ANKHD1: variants seen among roughly 807,000 people sequenced by gnomAD.
ANKHD1 encodes the protein ankyrin repeat and KH domain containing 1.
Under a neutral mutation model 230.5 loss-of-function variants are expected in ANKHD1, and 31 were observed. The ratio of observed to expected loss-of-function variants is 0.13; its 90% CI spans 0.10 to 0.18. The LOEUF is 0.18. Ranked by LOEUF, ANKHD1 falls within the 10% of genes least tolerant of loss-of-function variation. ANKHD1 has a pLI of 1.00. For missense variants in ANKHD1, 2,256 were observed against 3,071.3 expected, an observed-to-expected ratio of 0.73 and a Z score of 6.27; for synonymous variants, 1,074 against 1,117.6, an observed-to-expected ratio of 0.96 and a Z score of 0.78.
In ANKHD1 at chr5:140,458,612, T is replaced by C. The variant is rs760630306; in HGVS notation, c.1243-13T>C. ...ATTTCTCTCCTTCTTTCTTTACTTC[T>C]GAAAATCTGCAGGATGGACATGTAG... On this transcript the variant is annotated splice_polypyrimidine_tract_variant and intron_variant, in intron 7 of 33. Transcript: ENST00000360839. 6.4e-7 allele frequency: 1 copy of C among 1,574,684 alleles called. No homozygotes were observed. The highest frequency in any genetic ancestry group is 8.7e-7 in the Non-Finnish European group (1 of 1,153,252).
chr5:140,513,383 T>G lies in ANKHD1; in HGVS notation c.4221T>G (p.His1407Gln), dbSNP rs1722013011. 1.2e-6 allele frequency: 2 copies of G among 1,610,596 alleles called. No individual in the cohort carries two copies. Among genetic ancestry groups the G allele is most frequent in the African/African-American group, 2.7e-5 (2 of 74,796 alleles). ...TGTAGGAACTGTTGAAAAAATGTCA[T>G]CAATGTGTCGAAACCATTGTGAAGG... ...ITDKELLKKCHQCVETIVKAK... is the reference protein window; with the variant it reads ...ITDKELLKKCQQCVETIVKAK... Residue 1407 changes from histidine (H) to glutamine (Q), a missense_variant, in exon 24 of 34, where the codon CAT becomes CAG. Coordinates refer to ENST00000360839, the MANE Select transcript of ANKHD1 (RefSeq NM_017747.3).
At chr5:140,430,943 G>A (rs1279844478) in intron 1 of ANKHD1, among the ~76,000 whole-genome samples, 3 of 152,134 alleles carry the variant, frequency 2.0e-5, no homozygotes, top group Non-Finnish European at 4.4e-5. Flanking sequence ...GGGATTACAA[G>A]CATGGGCCAC....
intron 15 of ANKHD1, among the ~76,000 whole-genome samples, chr5:140,503,960 A>AT (rs1438698680): frequency 6.6e-5 from 10 of 152,172 alleles, no homozygotes; most frequent in African/African-American, 2.4e-4. Context: ...TCAGATACTG[A>AT]TTTTTTAACA....
rs142243567 is a variant in ANKHD1 at position 140,529,630 on chromosome 5, G to T, written c.6684G>T (p.Trp2228Cys). The change falls in exon 29 of 34, where the codon TGG becomes TGT. Residue 2228 changes from tryptophan to cysteine, a missense_variant. Trp to Cys is a radical substitution (Grantham distance 215). Transcript: ENST00000360839. ...GTCAGGTGCCAGCTAACCAGGGCTG[G>T]GGAGATGGTCCACTGTCCTCACGAG... is the stretch of plus-strand genomic sequence containing the variant. ...DSSQVPANQG[W>C]GDGPLSSRVA... The T allele has an allele frequency of 6.2e-7, 1 of 1,614,154 alleles. No homozygotes were observed.
In ANKHD1 at chr5:140,528,394, T is replaced by G. The variant is rs1561834155; in HGVS notation, c.5448T>G (p.Thr1816=). The G allele has an allele frequency of 1.4e-5, 22 of 1,614,156 alleles. No homozygotes were observed. Among genetic ancestry groups the G allele is most frequent in the Non-Finnish European group, 1.9e-5 (22 of 1,180,034 alleles). Residue 1816 remains threonine, a synonymous_variant, in exon 29 of 34, where the codon ACT becomes ACG. Coordinates refer to ENST00000360839, the MANE Select transcript of ANKHD1 (RefSeq NM_017747.3). The stretch of plus-strand genomic sequence containing the variant: ...CTTTGGGTGCTCCAACTCTTGTAAC[T>G]TCACAGGCAACAACGTTATCTACGT... ...AFPLGAPTLV[T]SQATTLSTFQ...
At chr5:140,414,798 C>T (rs1771220078) in intron 1 of ANKHD1, among the ~76,000 whole-genome samples, 1 of 150,116 alleles carries the variant, frequency 6.7e-6, no homozygotes, top group South Asian at 2.1e-4. Flanking sequence ...GCCACTGTCA[C>T]TGCACTCCAG....
chr5:140,534,248 C>T (rs1389255428), intron 29 of ANKHD1, among the ~76,000 whole-genome samples: 1 of 151,988 alleles, frequency 6.6e-6, no homozygotes, highest in Non-Finnish European at 1.5e-5. Context: ...AAAAATTAGC[C>T]GGGCGTGATG....
Position 140,537,498 on chromosome 5 carries a change from A to C in ANKHD1, c.7137A>C (p.Gly2379=). ...AGAGACTGGCCCGAATTCGGCAAGG[A>C]GGGTCTGTTGCACAAGCCCCGGCGG... ...GTERLARIRQ[G]GSVAQAPAGT... is the part of the protein sequence containing the mutation. Residue 2379 remains glycine, a synonymous_variant, in exon 31 of 34, where the codon GGA becomes GGC. Transcript: ENST00000360839. 1.9e-6 allele frequency: 3 copies of C among 1,614,104 alleles called. No homozygotes were observed. The highest frequency in any genetic ancestry group is 2.5e-6 in the Non-Finnish European group (3 of 1,180,014).
rs760758907 is a variant in ANKHD1 at position 140,449,234 on chromosome 5, C to T, written c.1171C>T (p.Leu391=). The T allele has an allele frequency of 3.7e-6, 6 of 1,613,128 alleles. No individual in the cohort carries two copies. The highest frequency in any genetic ancestry group is 3.3e-5 in the Admixed American group (2 of 59,956). ...AGGCCATTTGGATATGGTTCGCTTT[C>T]TACTTGAAGCTGGTGCAGATCAAGA... ...YKGHLDMVRF[L]LEAGADQEHK... is the part of the protein sequence containing the mutation. Residue 391 remains leucine (L), a synonymous_variant, in exon 7 of 34, where the codon CTA becomes TTA. Coordinates refer to ENST00000360839, the MANE Select transcript of ANKHD1 (RefSeq NM_017747.3).
At chr5:140,437,814 GCCTCACA>G (rs1288862291) in intron 2 of ANKHD1, among the ~76,000 whole-genome samples, 2 of 152,060 alleles carry the variant, frequency 1.3e-5, no homozygotes, top group African/African-American at 4.8e-5. Flanking sequence ...TTTTGAGAGG[GCCTCACA>G]CCTCAGACAT....
At chr5:140,504,750 T>C in intron 15 of ANKHD1, 71 bp from the exon 16 acceptor site, 1 of 1,544,582 alleles carries the variant, frequency 6.5e-7, no homozygotes. Context: ...ATTTCTGTTT[T>C]TGTGTTTTTC....
chr5:140,435,975 C>T, intron 1 of ANKHD1, 129 bp from the exon 2 acceptor site: 5 of 1,237,640 alleles, frequency 4.0e-6, no homozygotes, highest in Non-Finnish European at 5.3e-6. Flanking sequence ...CCCATACTCC[C>T]TTGTTTCTAT....
At chr5:140,464,810 T>C in intron 10 of ANKHD1, 34 bp downstream of exon 10, 1 of 1,568,478 alleles carries the variant, frequency 6.4e-7, no homozygotes. Context: ...ATTTTTGCGT[T>C]AATGTTAATA....
intron 10 of ANKHD1, among the ~76,000 whole-genome samples, chr5:140,473,779 T>C (rs1197079215): frequency 6.6e-5 from 10 of 152,366 alleles, no homozygotes. Context: ...CTGAGTGTTA[T>C]TTCAGATCAA....
rs978839198 is a variant in ANKHD1, at chr5:140,507,596, C to T, written c.3552-189C>T. 6.6e-6 allele frequency among the ~76,000 whole-genome samples: 1 copy of T among 152,206 alleles called. No individual in the cohort carries two copies. The highest frequency in any genetic ancestry group is 2.4e-5 in the African/African-American group (1 of 41,448). On this transcript the variant is annotated intron_variant, in intron 19 of 33. Transcript: ENST00000360839. This position sits in a 1 kb window ranked among gnomAD's most constrained non-coding sequence, Gnocchi z 4.1. ...TGCTGGGATTACAGGCATGAGCCAC[C>T]ATGTCTGGCCGGAAATTATGTTTTA...
chr5:140,519,312 A>T (rs1034893763), intron 24 of ANKHD1, among the ~76,000 whole-genome samples: 1 of 152,228 alleles, frequency 6.6e-6, no homozygotes, highest in African/African-American at 2.4e-5. Flanking sequence ...TTCCATGCTC[A>T]TGAGTAGGAA....
Position 140,424,914 on chromosome 5 carries a change from T to G in ANKHD1, c.307-11190T>G, listed in dbSNP as rs75279232. On this transcript the variant is annotated intron_variant, in intron 1 of 33. Transcript: ENST00000360839. ...AGATCCTCACATGGTTTTGTGATCT[T>G]GGGCCAGTCACTTAACATTAAGTAG... Among the ~76,000 whole-genome samples, 819 of 152,324 alleles carry G rather than the reference T, an allele frequency of 5.4e-3. 5 individuals are homozygous for G. Among genetic ancestry groups the G allele is most frequent in the African/African-American group, 0.019 (778 of 41,576 alleles).
At chr5:140,427,751 A>G (rs1447111475) in intron 1 of ANKHD1, among the ~76,000 whole-genome samples, 846 of 86,044 alleles carry the variant, frequency 9.8e-3, no homozygotes, top group Middle Eastern at 0.035. Context: ...CCTCCCGGAC[A>G]GGGCGGCTGG....
chr5:140,474,423 C>T (rs981271373), intron 10 of ANKHD1, among the ~76,000 whole-genome samples: 1 of 152,062 alleles, frequency 6.6e-6, no homozygotes, highest in African/African-American at 2.4e-5. Context: ...GGTATAGTTA[C>T]AGTCCTTAAA....
Sources: gnomAD v4.1 joint callset for allele counts (sites outside exome capture counted in the v4.1 genomes callset) on GRCh38, gnomAD v4.1.1 for gene constraint, Gnocchi (gnomAD v3.1) non-coding constraint, MANE v1.5 for transcripts, NCBI Gene and HGNC (gene_info 2026-07-23, HGNC 2026-07-21) for gene names.